Variants in TMTC4 observed in about 807,000 individuals in gnomAD.
TMTC4 encodes protein O-mannosyl-transferase TMTC4.
In TMTC4, 65 loss-of-function variants were observed where a neutral mutation model predicts 86.0. The observed-to-expected ratio is 0.76, with a 90% CI of 0.62 to 0.93. The LOEUF is 0.93. Among genes scored for constraint, TMTC4 ranks in the 40% least tolerant of loss-of-function variants. The pLI, the probability that TMTC4 is intolerant of heterozygous loss-of-function variation, is 0.00. For missense variants in TMTC4, 866 were observed against 948.1 expected (o/e 0.91, Z 1.14); for synonymous variants, 379 against 382.5 (o/e 0.99, Z 0.11).
chr13:100,633,275 C>T (rs915152051), intron 12 of TMTC4, among the ~76,000 whole-genome samples: 1 of 136,896 alleles, frequency 7.3e-6, no homozygotes, highest in East Asian at 2.4e-4. Context: ...GGCCACTGCA[C>T]TCCAGCCTGG....
rs1056093378 is a variant in TMTC4 at position 100,670,582 on chromosome 13, C to T, written c.-207-13G>A. On this transcript the variant is annotated splice_polypyrimidine_tract_variant and intron_variant, in intron 1 of 18. Transcript: ENST00000342624. ...ATCTAAATTACAACTGCAAACACAACACAGGTTAGCACACAGACCCCAACC... is the reference window on the plus strand; with the variant it reads ...ATCTAAATTACAACTGCAAACACAATACAGGTTAGCACACAGACCCCAACC... The T allele has an allele frequency of 7.9e-6, 4 of 506,760 alleles. No individual in the cohort carries two copies. The highest frequency in any genetic ancestry group is 1.4e-5 in the Non-Finnish European group (4 of 290,256). The allele number at this position is 506,760 out of a possible 1,614,324, so 31.4% of individuals were successfully genotyped here.
chr13:100,672,180 G>C (rs557008937), intron 1 of TMTC4, among the ~76,000 whole-genome samples: 25 of 152,274 alleles, frequency 1.6e-4, no homozygotes, highest in Non-Finnish European at 2.9e-4. Flanking sequence ...TGCCTGTCTC[G>C]GGCGCACCCA....
chr13:100,627,442 G>A (rs1338036545), intron 12 of TMTC4, among the ~76,000 whole-genome samples: 1 of 152,166 alleles, frequency 6.6e-6, no homozygotes, highest in Admixed American at 6.5e-5. Flanking sequence ...ATCACCGGCT[G>A]AGGGAAGAGA....
chr13:100,645,297 T>C (rs1009236623), intron 6 of TMTC4, among the ~76,000 whole-genome samples: 1 of 152,206 alleles, frequency 6.6e-6, no homozygotes, highest in African/African-American at 2.4e-5. Context: ...TGGGTGTGCT[T>C]ACTGAGTTCC....
intron 5 of TMTC4, 74 bp from the exon 6 acceptor site, chr13:100,656,542 C>CTGTTTTTTTTTTTTTT: frequency 2.6e-6 from 1 of 384,140 alleles, no homozygotes; most frequent in Non-Finnish European, 4.2e-6. Context: ...GGAGACATAA[C>CTGTTTTTTTTTTTTTT]TTTTTTTTTT....
intron 15 of TMTC4, among the ~76,000 whole-genome samples, chr13:100,617,498 G>C (rs1485102805): frequency 6.6e-6 from 1 of 152,148 alleles, no homozygotes; most frequent in Non-Finnish European, 1.5e-5. Flanking sequence ...TTGAGTTAAT[G>C]TTTGTGTTTT....
chr13:100,658,883 A>G (rs1488445117), intron 5 of TMTC4, among the ~76,000 whole-genome samples: 1 of 152,240 alleles, frequency 6.6e-6, no homozygotes, highest in Non-Finnish European at 1.5e-5. Flanking sequence ...TGGCATAGTA[A>G]TTAAGAGAGA....
chr13:100,626,397 C>T (rs1356938189), intron 12 of TMTC4, among the ~76,000 whole-genome samples: 1 of 152,210 alleles, frequency 6.6e-6, no homozygotes, highest in East Asian at 1.9e-4. Context: ...AGGGAAATAA[C>T]TAAAGACCTC....
chr13:100,673,253 G>T, intron 1 of TMTC4: 2 of 927,198 alleles, frequency 2.2e-6, no homozygotes, highest in Non-Finnish European at 2.6e-6. Flanking sequence ...GAACCATGAG[G>T]GCCCAATGAC....
At chr13:100,618,798 G>C (rs1411610929) in intron 15 of TMTC4, among the ~76,000 whole-genome samples, 1 of 152,166 alleles carries the variant, frequency 6.6e-6, no homozygotes, top group Non-Finnish European at 1.5e-5. Flanking sequence ...GAGAGCACAG[G>C]GTTGGGGGTA....
intron 3 of TMTC4, among the ~76,000 whole-genome samples, chr13:100,665,332 G>C (rs1421309848): frequency 6.6e-6 from 1 of 152,206 alleles, no homozygotes; most frequent in Non-Finnish European, 1.5e-5. Flanking sequence ...TTAGGGACTA[G>C]AAATTACAAC....
chr13:100,625,920 C>A lies in TMTC4; in HGVS notation c.1587-28G>T, dbSNP rs768417145. The stretch of plus-strand genomic sequence containing the variant: ...GAAAGTTGAGAAAAAACCAAGCTGA[C>A]CATTAAATGCTCAATAGTAAGTTTT... On this transcript the variant is annotated intron_variant, in intron 13 of 18. Coordinates refer to ENST00000342624, the MANE Select transcript of TMTC4 (RefSeq NM_032813.5). The A allele has an allele frequency of 4.4e-6, 7 of 1,603,910 alleles. No individual in the cohort carries two copies. In the East Asian group the frequency reaches 1.6e-4, roughly 36 times the overall value.
chr13:100,674,901 C>G, upstream of TMTC4: 1 of 983,964 alleles, frequency 1.0e-6, no homozygotes, highest in Non-Finnish European at 1.2e-6. Context: ...CGCGCGGGCG[C>G]CCCCCAGCAC....
intron 6 of TMTC4, among the ~76,000 whole-genome samples, chr13:100,645,995 G>A (rs2138936732): frequency 6.6e-6 from 1 of 152,226 alleles, no homozygotes; most frequent in African/African-American, 2.4e-5. Flanking sequence ...GGGAGGGTAG[G>A]AAATCACTCC....
intron 12 of TMTC4, among the ~76,000 whole-genome samples, chr13:100,632,057 T>TCTCTCC (rs1881514140): frequency 3.0e-5 from 1 of 33,440 alleles, no homozygotes; most frequent in Non-Finnish European, 6.5e-5. Flanking sequence ...ACACACACTC[T>TCTCTCC]CTCTCTCTCT....
intron 1 of TMTC4, chr13:100,674,277 A>AGGCGGCCAAGCGGCCC: frequency 3.1e-6 from 3 of 978,978 alleles, no homozygotes; most frequent in Non-Finnish European, 3.6e-6. Context: ...AACCCAGGGC[A>AGGCGGCCAAGCGGCCC]GGCGGCCAAG....
intron 6 of TMTC4, among the ~76,000 whole-genome samples, chr13:100,656,175 C>G (rs928330327): frequency 2.0e-5 from 3 of 152,208 alleles, no homozygotes; most frequent in Non-Finnish European, 2.9e-5. Context: ...ACAGTGTGAA[C>G]ACCAGTGTCA....
intron 12 of TMTC4, among the ~76,000 whole-genome samples, chr13:100,628,865 T>C (rs1484445142): frequency 2.0e-5 from 3 of 152,154 alleles, no homozygotes; most frequent in Non-Finnish European, 2.9e-5. Context: ...AAAGAATTTG[T>C]TGGCCGGGCG....
chr13:100,606,209 G>A, intron 18 of TMTC4, 149 bp downstream of exon 18: 1 of 724,544 alleles, frequency 1.4e-6, no homozygotes, highest in Non-Finnish European at 2.4e-6. Context: ...CTATCACTTT[G>A]CTATCTTTTT....
Sources: allele counts gnomAD v4.1 joint callset (sites outside exome capture counted in the v4.1 genomes callset), GRCh38; gene constraint gnomAD v4.1.1; transcripts MANE v1.5; gene names NCBI Gene and HGNC (gene_info 2026-07-23, HGNC 2026-07-21).